CMSS1: variants seen among roughly 807,000 people sequenced by gnomAD.
The protein encoded by CMSS1 is cms1 ribosomal small subunit homolog.
Under a neutral mutation model 43.5 loss-of-function variants are expected in CMSS1, and 33 were observed. That is an observed-to-expected ratio of 0.76 (90% confidence interval 0.57 to 1.01). The LOEUF (loss-of-function observed/expected upper bound fraction) is 1.01, where lower values mean the gene tolerates loss of function less well. Among genes scored for constraint, CMSS1 ranks in the 50% least tolerant of loss-of-function variants. The pLI, the probability that CMSS1 is intolerant of heterozygous loss-of-function variation, is 0.00. For synonymous variants in CMSS1, 115 were observed against 117.2 expected, an observed-to-expected ratio of 0.98 and a Z score of 0.12; for missense variants, 313 against 326.4, an observed-to-expected ratio of 0.96 and a Z score of 0.32.
At chr3:100,051,041 A>G (rs976990353) in intron 1 of CMSS1, among the ~76,000 whole-genome samples, 2 of 152,190 alleles carry the variant, frequency 1.3e-5, no homozygotes, top group Non-Finnish European at 2.9e-5. Flanking sequence ...TTCAATAGAG[A>G]AATCACATAA....
intron 1 of CMSS1, among the ~76,000 whole-genome samples, chr3:99,842,599 A>G (rs1309718317): frequency 6.6e-6 from 1 of 152,178 alleles, no homozygotes; most frequent in Non-Finnish European, 1.5e-5. Context: ...CTAAAATAAG[A>G]AAACTAGTTT....
At chr3:100,040,195 C>G (rs1264663339) in intron 1 of CMSS1, 4 of 152,102 alleles carry the variant, frequency 2.6e-5, no homozygotes, top group South Asian at 2.1e-4. Flanking sequence ...ATCTCTGGAA[C>G]AGGTAACCAT....
intron 1 of CMSS1, among the ~76,000 whole-genome samples, chr3:99,990,457 C>A (rs760701892): frequency 1.1e-4 from 17 of 152,140 alleles, no homozygotes; most frequent in Non-Finnish European, 2.2e-4. Context: ...AATGTTCAGC[C>A]CCCAGCCCTA....
intron 1 of CMSS1, among the ~76,000 whole-genome samples, chr3:99,884,951 A>C (rs1413008909): frequency 6.6e-6 from 1 of 152,160 alleles, no homozygotes; most frequent in African/African-American, 2.4e-5. Flanking sequence ...TTTGCTAAGG[A>C]AATTTCTTCT....
intron 1 of CMSS1, among the ~76,000 whole-genome samples, chr3:99,863,244 TC>T (rs1944348602): frequency 6.6e-6 from 1 of 152,144 alleles, no homozygotes; most frequent in Non-Finnish European, 1.5e-5. Context: ...GGGTTCACAC[TC>T]CTATGAGAAC....
chr3:99,921,074 CTTTG>C (rs928552594), intron 1 of CMSS1, among the ~76,000 whole-genome samples: 3 of 152,102 alleles, frequency 2.0e-5, no homozygotes, highest in Non-Finnish European at 4.4e-5. Context: ...GTTTACAACA[CTTTG>C]TTTGAGGAAG....
chr3:100,172,650 A>G (rs1009539106), intron 8 of CMSS1, among the ~76,000 whole-genome samples: 2 of 152,238 alleles, frequency 1.3e-5, no homozygotes, highest in African/African-American at 2.4e-5. Context: ...TGCTATAAGC[A>G]GGTTAGTGGT....
chr3:99,897,020 A>AT (rs1004561181), intron 1 of CMSS1, among the ~76,000 whole-genome samples: 42 of 151,744 alleles, frequency 2.8e-4, no homozygotes, highest in Non-Finnish European at 4.1e-4. Flanking sequence ...CTCAGAACAA[A>AT]TTTTTTTTTC....
Position 99,817,867 on chromosome 3 carries a change from C to A in CMSS1, c.-113C>A. The A allele has an allele frequency of 2.7e-6, 3 of 1,101,628 alleles. No individual in the cohort carries two copies. The highest frequency in any genetic ancestry group is 2.7e-6 in the Non-Finnish European group (2 of 747,764). 68.2% of individuals were successfully genotyped at this position (1,101,628 alleles called of 1,614,324 possible). ...CGCCGCGGGGCGGAGGCGACAGTGT[C>A]TAGCGGGAGCTCCGCGTGTAGCTAC... On this transcript the variant is annotated 5_prime_UTR_variant, in exon 1 of 10. Coordinates refer to ENST00000421999, the MANE Select transcript of CMSS1 (RefSeq NM_032359.4).
At chr3:99,860,550 C>T (rs1264673408) in intron 1 of CMSS1, among the ~76,000 whole-genome samples, 2 of 152,142 alleles carry the variant, frequency 1.3e-5, no homozygotes, top group Non-Finnish European at 2.9e-5. Context: ...AAAGGCCAGT[C>T]TGAGGGTCCA....
At chr3:99,870,197 A>C (rs1414068182) in intron 1 of CMSS1, among the ~76,000 whole-genome samples, 1 of 152,184 alleles carries the variant, frequency 6.6e-6, no homozygotes, top group East Asian at 1.9e-4. Flanking sequence ...AATTTGTAGA[A>C]ACCAAGGGAA....
chr3:100,151,694 G>A (rs763281726), intron 2 of CMSS1, among the ~76,000 whole-genome samples: 1 of 152,082 alleles, frequency 6.6e-6, no homozygotes, highest in African/African-American at 2.4e-5. Flanking sequence ...TATGAGTACC[G>A]GGAGATCGAG....
At chr3:100,106,696 G>A (rs553033447) in intron 1 of CMSS1, among the ~76,000 whole-genome samples, 3 of 152,302 alleles carry the variant, frequency 2.0e-5, no homozygotes, top group Non-Finnish European at 2.9e-5. Context: ...CCTTCCTGCT[G>A]TAAATGTAAG....
chr3:100,146,321 A>T (rs1270171860), intron 1 of CMSS1, among the ~76,000 whole-genome samples: 2 of 152,190 alleles, frequency 1.3e-5, no homozygotes, highest in Non-Finnish European at 2.9e-5. Flanking sequence ...ATTTCTCATG[A>T]CCTGTAATCC....
At chr3:100,135,519 C>A (rs1467952746) in intron 1 of CMSS1, among the ~76,000 whole-genome samples, 1 of 146,508 alleles carries the variant, frequency 6.8e-6, no homozygotes, top group Non-Finnish European at 1.5e-5. Context: ...GCTCTGTCAC[C>A]CAGGCCTGGA....
intron 1 of CMSS1, among the ~76,000 whole-genome samples, chr3:100,113,406 A>C (rs2066523066): frequency 6.6e-6 from 1 of 152,244 alleles, no homozygotes; most frequent in Admixed American, 6.5e-5. Context: ...GGTGTTACAG[A>C]ACAAGTTCTT....
chr3:99,828,153 C>T (rs187756618), intron 1 of CMSS1, among the ~76,000 whole-genome samples: 47 of 152,210 alleles, frequency 3.1e-4, no homozygotes, highest in Middle Eastern at 3.4e-3. Context: ...TTCTTTTCAA[C>T]CTGTTTGGTT....
intron 1 of CMSS1, among the ~76,000 whole-genome samples, chr3:99,910,145 G>T (rs1464845045): frequency 1.5e-5 from 2 of 136,218 alleles, no homozygotes; most frequent in Admixed American, 7.8e-5. Flanking sequence ...TGGTTTATAC[G>T]TAATTTCTAT....
chr3:100,051,976 A>G (rs913351865), intron 1 of CMSS1, among the ~76,000 whole-genome samples: 2 of 150,264 alleles, frequency 1.3e-5, no homozygotes, highest in Non-Finnish European at 3.0e-5. Context: ...ATTTATACAT[A>G]AATATAAATG....
Sources: allele counts gnomAD v4.1 joint callset (sites outside exome capture counted in the v4.1 genomes callset), GRCh38; gene constraint gnomAD v4.1.1; transcripts MANE v1.5; gene names NCBI Gene and HGNC (gene_info 2026-07-23, HGNC 2026-07-21).